Variants in PRX observed in about 807,000 individuals in gnomAD.
PRX encodes periaxin.
A neutral mutation model predicts 29.6 loss-of-function variants in PRX; 24 were observed. That is an observed-to-expected ratio of 0.81 (90% confidence interval 0.59 to 1.14). PRX has a LOEUF of 1.14. PRX is among the 50% of genes most tolerant of loss of function. The pLI, the probability that PRX is intolerant of heterozygous loss-of-function variation, is 0.00. For missense variants in PRX, 1,838 were observed against 1,926.4 expected (o/e 0.95, Z 0.86); for synonymous variants, 772 against 831.7 (o/e 0.93, Z 1.24).
chr19:40,400,592 CAAAAAAAAAAAA>C (rs71171569), intron 5 of PRX, among the ~76,000 whole-genome samples: 10 of 44,818 alleles, frequency 2.2e-4, no homozygotes, highest in South Asian at 1.4e-3. Flanking sequence ...AATTCCATCT[CAAAAAAAAAAAA>C]AAAAAAAAAA....
rs2079501529 is a variant in PRX at position 40,402,410 on chromosome 19, T to G, written c.184+1296A>C. Among the ~76,000 whole-genome samples the G allele has an allele frequency of 3.3e-5, 5 of 151,974 alleles. No individual in the cohort carries two copies. The South Asian group carries it at 1.0e-3, about 32-fold the overall frequency. On this transcript the variant is annotated intron_variant, in intron 5 of 6. Transcript: ENST00000324001. ...TAATAAAAATGCAGCTGTAGCACAT[T>G]GTCCTCCTGGCAACTGTAGCACTTA...
At chr19:40,412,009 T>C (rs987673055) in intron 1 of PRX, among the ~76,000 whole-genome samples, 5 of 152,228 alleles carry the variant, frequency 3.3e-5, no homozygotes, top group Non-Finnish European at 7.3e-5. Flanking sequence ...AACTGAGATA[T>C]CCATTTCAGA....
chr19:40,401,581 C>G (rs2079494169), intron 5 of PRX, among the ~76,000 whole-genome samples: 1 of 152,144 alleles, frequency 6.6e-6, no homozygotes, highest in Non-Finnish European at 1.5e-5. Flanking sequence ...CCCCTTACCT[C>G]TCTGGCCTTC....
At position 40,394,364 on chromosome 19, in the gene PRX, T is replaced by C; in HGVS notation, c.3988A>G (p.Lys1330Glu). Residue 1330 changes from lysine (K) to glutamate (E), a missense_variant, in exon 7 of 7, where the codon AAA becomes GAA. Lys to Glu is a moderately conservative substitution (Grantham distance 56, BLOSUM62 1). Coordinates refer to ENST00000324001, the MANE Select transcript of PRX (RefSeq NM_181882.3). The surrounding 1 kb of genome is among the most constrained non-coding windows in gnomAD (Gnocchi z 5.8). ...AAGCCCACTCGGGGCAGCCTGAGTT[T>C]GGGGCTCTTGGCCTTCTCACCCTCC... ...AEEGEKAKSP[K>E]LRLPRVGFSQ... 6.2e-7 allele frequency: 1 copy of C among 1,603,764 alleles called. No individual in the cohort carries two copies. The highest frequency in any genetic ancestry group is 1.1e-5 in the South Asian group (1 of 89,710).
intron 5 of PRX, 62 bp downstream of exon 5, chr19:40,403,644 A>G (rs2079511071): frequency 6.7e-7 from 1 of 1,496,126 alleles, no homozygotes; most frequent in Admixed American, 2.0e-5. Context: ...CTTTGGACCC[A>G]AGGCAGATTC....
At chr19:40,408,074 G>T in intron 3 of PRX, 43 bp from the exon 4 acceptor site, 2 of 1,077,784 alleles carry the variant, frequency 1.9e-6, no homozygotes, top group Admixed American at 2.0e-5. Flanking sequence ...AGTAGGGGAC[G>T]AGAGGTGGAG....
In PRX at chr19:40,398,119, A is replaced by G; in HGVS notation, c.382-149T>C. 1 of 1,440,834 alleles carries G rather than the reference A, an allele frequency of 6.9e-7. No homozygotes were observed. Among genetic ancestry groups the G allele is most frequent in the Non-Finnish European group, 9.1e-7 (1 of 1,100,458 alleles). The allele number at this position is 1,440,834 out of a possible 1,614,324, so 89.3% of individuals were successfully genotyped here. A position where few individuals can be genotyped will look rare whatever the true frequency, so the allele number is the denominator to read the frequency against. On this transcript the variant is annotated intron_variant, in intron 6 of 6. Coordinates refer to ENST00000324001, the MANE Select transcript of PRX (RefSeq NM_181882.3). This position sits in a 1 kb window ranked among gnomAD's most constrained non-coding sequence, Gnocchi z 6.3. The stretch of plus-strand genomic sequence containing the variant: ...ACATCATCCCCACTTCTTGCCTGTC[A>G]TTTCACCATGAGTGCCCAGGAAAGC...
chr19:40,398,653 C>G lies in PRX; in HGVS notation c.348G>C (p.Glu116Asp), dbSNP rs1408557718. The G allele has an allele frequency of 6.2e-7, 1 of 1,613,862 alleles. No homozygotes were observed. Among genetic ancestry groups the G allele is most frequent in the East Asian group, 2.2e-5 (1 of 44,872 alleles). The change falls in exon 6 of 7, where the codon GAG becomes GAC. Residue 116 changes from glutamate (E) to aspartate (D), a missense_variant. Glu to Asp is a conservative substitution (Grantham distance 45, BLOSUM62 2). This residue lies in a region of PRX where 666 missense variants were observed against 665.0 expected (regional missense o/e 1.00). Coordinates refer to ENST00000324001, the MANE Select transcript of PRX (RefSeq NM_181882.3). The surrounding 1 kb of genome is among the most constrained non-coding windows in gnomAD (Gnocchi z 6.3). The stretch of plus-strand genomic sequence containing the variant: ...CCACCTTGGCCCGCGGGCCCTTGAT[C>G]TCGTAGCCAGACACGGTCCCGGGCC... The part of the protein sequence containing the change: ...ALRPGTVSGY[E>D]IKGPRAKVAK...
In PRX at chr19:40,395,389, G is replaced by T; in HGVS notation, c.2963C>A (p.Ala988Asp). ...KGAGEAGLLP[A>D]LDLSIPQLSL... ...GAGCTGTGGGATGGACAGATCGAGGGCAGGCAGCAGGCCTGCCTCCCCAGC... is the reference window on the plus strand; with the variant it reads ...GAGCTGTGGGATGGACAGATCGAGGTCAGGCAGCAGGCCTGCCTCCCCAGC... The change falls in exon 7 of 7, where the codon GCC becomes GAC. Residue 988 changes from alanine (A) to aspartate (D), a missense_variant. By Grantham distance (126) the Ala-to-Asp change is moderately radical. This residue lies in a region of PRX where 1,143 missense variants were observed against 1,193.0 expected (regional missense o/e 0.96). Transcript: ENST00000324001. 1.2e-6 allele frequency: 2 copies of T among 1,613,738 alleles called. No individual in the cohort carries two copies. The highest frequency in any genetic ancestry group is 2.2e-5 in the South Asian group (2 of 91,076).
rs748063094 is a variant in PRX at position 40,394,391 on chromosome 19, C to T, written c.3961G>A (p.Glu1321Lys). 18 of 1,600,318 alleles carry T rather than the reference C, an allele frequency of 1.1e-5. No individual in the cohort carries two copies. The highest frequency in any genetic ancestry group is 2.3e-5 in the East Asian group (1 of 43,928). ...GGGCTCTTGGCCTTCTCACCCTCCTCGGCCCCCTCCTTGGCCCGCACCAGG... is the reference window on the plus strand; with the variant it reads ...GGGCTCTTGGCCTTCTCACCCTCCTTGGCCCCCTCCTTGGCCCGCACCAGG... Reference protein sequence around the residue: ...FGLVRAKEGAEEGEKAKSPKL... With the variant: ...FGLVRAKEGAKEGEKAKSPKL... Residue 1321 changes from glutamate (E) to lysine (K), a missense_variant, in exon 7 of 7, where the codon GAG becomes AAG. Transcript: ENST00000324001. The surrounding 1 kb of genome is among the most constrained non-coding windows in gnomAD (Gnocchi z 5.8).
rs971940631 is a variant in PRX, at chr19:40,403,607, C to G, written c.184+99G>C. On this transcript the variant is annotated intron_variant, in intron 5 of 6. Coordinates refer to ENST00000324001, the MANE Select transcript of PRX (RefSeq NM_181882.3). ...ACCCCTCCTGGTCGCCGGTCACGCC[C>G]CCATCCCCCGGTCAGTTTCAGCCTC... The G allele has an allele frequency of 2.1e-6, 3 of 1,411,152 alleles. No individual in the cohort carries two copies. In the African/African-American group the frequency reaches 4.3e-5, roughly 20 times the overall value. The allele number at this position is 1,411,152 out of a possible 1,614,324, so 87.4% of individuals were successfully genotyped here.
Position 40,397,693 on chromosome 19 carries a change from TC to T in PRX, c.658del (p.Glu220ArgfsTer93). 1 of 1,561,848 alleles carries T rather than the reference TC, an allele frequency of 6.4e-7. No individual in the cohort carries two copies. The highest frequency in any genetic ancestry group is 1.9e-5 in the Admixed American group (1 of 53,116). On this transcript the variant is annotated frameshift_variant, in exon 7 of 7. Transcript: ENST00000324001. LOFTEE classifies it low-confidence loss of function (END_TRUNC). The stretch of plus-strand genomic sequence containing the variant: ...ACGAGCTCCTGCAGCCACCTCAGCC[TC>T]CACCTTGGCTTTCCTGGGGGGAGGA... ...AAPPPRKAKV[E>X]AEVAAGARFT...
Position 40,394,150 on chromosome 19 carries a change from G to A in PRX, c.4202C>T (p.Ser1401Phe), listed in dbSNP as rs775431247. The A allele has an allele frequency of 3.1e-6, 5 of 1,594,250 alleles. No individual in the cohort carries two copies. Among genetic ancestry groups the A allele is most frequent in the African/African-American group, 1.3e-5 (1 of 74,414 alleles). ...RGQEGDAAPK[S>F]PVREKSPKFR... Reference sequence around the variant, plus strand: ...CTTGGGTGACTTCTCTCTGACGGGGGACTTGGGGGCTGCATCGCCCTCCTG... The same window carrying A: ...CTTGGGTGACTTCTCTCTGACGGGGAACTTGGGGGCTGCATCGCCCTCCTG... The change falls in exon 7 of 7, where the codon TCC (serine) becomes TTC (phenylalanine). Residue 1401 changes from serine (S) to phenylalanine (F), a missense_variant. Ser to Phe is a radical substitution (Grantham distance 155, BLOSUM62 -2). Around this residue, in one of 3 missense-constraint regions of PRX, gnomAD observed 1,143 missense variants for 1,193.0 expected, o/e 0.96. Transcript: ENST00000324001. The surrounding 1 kb of genome is among the most constrained non-coding windows in gnomAD (Gnocchi z 5.8).
chr19:40,398,688 G>C lies in PRX; in HGVS notation c.313C>G (p.Leu105Val). The C allele has an allele frequency of 6.2e-7, 1 of 1,614,068 alleles. No individual in the cohort carries two copies. Among genetic ancestry groups the C allele is most frequent in the Non-Finnish European group, 8.5e-7 (1 of 1,179,956 alleles). The part of the protein sequence containing the change: ...CLKRTVPTGD[L>V]ALRPGTVSGY... ...GACACGGTCCCGGGCCGCAGAGCCA[G>C]GTCCCCGGTGGGCACAGTGCGCTTC... The change falls in exon 6 of 7, where the codon CTG (leucine) becomes GTG (valine). Residue 105 changes from leucine (L) to valine (V), a missense_variant. This residue lies in a region of PRX where 666 missense variants were observed against 665.0 expected (regional missense o/e 1.00). Transcript: ENST00000324001. This position sits in a 1 kb window ranked among gnomAD's most constrained non-coding sequence, Gnocchi z 6.3.
Position 40,396,305 on chromosome 19 carries a change from C to G in PRX, c.2047G>C (p.Val683Leu). 1 of 1,608,374 alleles carries G rather than the reference C, an allele frequency of 6.2e-7. No individual in the cohort carries two copies. Among genetic ancestry groups the G allele is most frequent in the Non-Finnish European group, 8.5e-7 (1 of 1,179,168 alleles). The change falls in exon 7 of 7, where the codon GTG becomes CTG. Residue 683 changes from valine to leucine, a missense_variant. Coordinates refer to ENST00000324001, the MANE Select transcript of PRX (RefSeq NM_181882.3). ...ATCTCTGAGACTTTTGGCAGCTGCA[C>G]CTCGGGGAGTCGAACCTCTGGCACA... ...MAVPEVRLPE[V>L]QLPKVSEMKL...
chr19:40,397,776 C>T lies in PRX; in HGVS notation c.576G>A (p.Arg192=). The change falls in exon 7 of 7, where the codon CGG becomes CGA. Residue 192 remains arginine, a synonymous_variant. Transcript: ENST00000324001. ...APARRRLQLP[R]LRVREVAEEA... Reference sequence around the variant, plus strand: ...CTTCGGCCACTTCTCGTACACGCAGCCGAGGCAGCTGGAGGCGCCGGCGGG... The same window carrying T: ...CTTCGGCCACTTCTCGTACACGCAGTCGAGGCAGCTGGAGGCGCCGGCGGG... 6.4e-7 allele frequency: 1 copy of T among 1,569,556 alleles called. No individual in the cohort carries two copies. The highest frequency in any genetic ancestry group is 8.6e-7 in the Non-Finnish European group (1 of 1,157,864).
At chr19:40,404,965 G>A (rs981080241) in intron 4 of PRX, among the ~76,000 whole-genome samples, 3 of 152,184 alleles carry the variant, frequency 2.0e-5, no homozygotes, top group Admixed American at 6.6e-5. Context: ...GGGATTCTGA[G>A]GAAGGGGCTG....
chr19:40,394,243 C>A lies in PRX; in HGVS notation c.4109G>T (p.Arg1370Leu), dbSNP rs756687548. 6.2e-7 allele frequency: 1 copy of A among 1,605,500 alleles called. No individual in the cohort carries two copies. Among genetic ancestry groups the A allele is most frequent in the South Asian group, 1.1e-5 (1 of 90,574 alleles). The change falls in exon 7 of 7, where the codon CGC becomes CTC. Residue 1370 changes from arginine (R) to leucine (L), a missense_variant. Arg to Leu is a moderately radical substitution (Grantham distance 102). Transcript: ENST00000324001. This position sits in a 1 kb window ranked among gnomAD's most constrained non-coding sequence, Gnocchi z 5.8. ...CAAGCGGACCCGGACCCGGCCCCGG[C>A]GACCCGAGGCCCCTTCCCCACTGCC... is the stretch of plus-strand genomic sequence containing the variant. ...EEGSGEGASG[R>L]RGRVRVRLPR... is the part of the protein sequence containing the mutation.
In PRX at chr19:40,398,283, C is replaced by T. The variant is rs1465547155; in HGVS notation, c.382-313G>A. On this transcript the variant is annotated intron_variant, in intron 6 of 6. Coordinates refer to ENST00000324001, the MANE Select transcript of PRX (RefSeq NM_181882.3). This position sits in a 1 kb window ranked among gnomAD's most constrained non-coding sequence, Gnocchi z 6.3. ...AACTGAGGCCCAGGGAGAGAAACAA[C>T]TTTGTCCAGGGCCACTCAGCAGTAA... The T allele has an allele frequency of 7.1e-7, 1 of 1,416,254 alleles. No individual in the cohort carries two copies. The highest frequency in any genetic ancestry group is 9.2e-7 in the Non-Finnish European group (1 of 1,089,408). The allele number at this position is 1,416,254 out of a possible 1,614,324, so 87.7% of individuals were successfully genotyped here. A position where few individuals can be genotyped will look rare whatever the true frequency, so the allele number is the denominator to read the frequency against.
Sources: allele counts gnomAD v4.1 joint callset (sites outside exome capture counted in the v4.1 genomes callset), GRCh38; gene constraint gnomAD v4.1.1; regional missense constraint gnomAD v4.1.1; non-coding constraint Gnocchi (gnomAD v3.1); transcripts MANE v1.5; gene names NCBI Gene and HGNC (gene_info 2026-07-23, HGNC 2026-07-21).